The following RALGPS1 variants were observed in gnomAD, a reference collection of about 807,000 sequenced individuals.
RALGPS1 encodes Ral GEF with PH domain and SH3 binding motif 1, also known as ras-specific guanine nucleotide-releasing factor RalGPS1.
A neutral mutation model predicts 78.8 loss-of-function variants in RALGPS1; 19 were observed. The ratio of observed to expected loss-of-function variants is 0.24; its 90% CI spans 0.17 to 0.35. The LOEUF (loss-of-function observed/expected upper bound fraction) is 0.35, where lower values mean the gene tolerates loss of function less well. RALGPS1 is among the 10% of genes least tolerant of loss of function. RALGPS1 has a pLI of 1.00. For missense variants in RALGPS1, 454 were observed against 688.3 expected, an observed-to-expected ratio of 0.66 and a Z score of 3.81; for synonymous variants, 228 against 256.3, an observed-to-expected ratio of 0.89 and a Z score of 1.06.
At chr9:127,164,819 CGCGA>C (rs1564700093) in intron 8 of RALGPS1, among the ~76,000 whole-genome samples, 14 of 152,186 alleles carry the variant, frequency 9.2e-5, no homozygotes, top group African/African-American at 3.4e-4. Flanking sequence ...GGATTACAGG[CGCGA>C]GCCACTATGC....
At chr9:127,123,293 T>C (rs184019488) in intron 8 of RALGPS1, among the ~76,000 whole-genome samples, 3 of 152,334 alleles carry the variant, frequency 2.0e-5, no homozygotes, top group Admixed American at 2.0e-4. Flanking sequence ...AGGCTGAGGG[T>C]GGAGGCAGCC....
chr9:127,044,891 T>G (rs1244033581), intron 5 of RALGPS1, among the ~76,000 whole-genome samples: 1 of 152,246 alleles, frequency 6.6e-6, no homozygotes, highest in African/African-American at 2.4e-5. Context: ...TCATTATTGT[T>G]GGTTTATTAC....
intron 8 of RALGPS1, among the ~76,000 whole-genome samples, chr9:127,140,057 G>A (rs1307804929): frequency 1.3e-5 from 2 of 152,148 alleles, no homozygotes; most frequent in Non-Finnish European, 2.9e-5. Flanking sequence ...CTCAACACTG[G>A]TCAGCTTTTG....
intron 8 of RALGPS1, chr9:127,088,619 C>A: frequency 2.6e-6 from 1 of 390,236 alleles, no homozygotes; most frequent in Non-Finnish European, 4.7e-6. Context: ...GAGGCTCATA[C>A]ACATGTATAT....
At chr9:127,107,462 T>G (rs1230503689) in intron 8 of RALGPS1, among the ~76,000 whole-genome samples, 1 of 152,218 alleles carries the variant, frequency 6.6e-6, no homozygotes. Flanking sequence ...TACAATGTGT[T>G]TATCATATTC....
chr9:126,937,046 C>T (rs977942261), intron 1 of RALGPS1, among the ~76,000 whole-genome samples: 3 of 152,032 alleles, frequency 2.0e-5, no homozygotes, highest in Non-Finnish European at 4.4e-5. Context: ...AGATGGGTTT[C>T]ACCATGTTGG....
chr9:127,055,467 T>C (rs774982525), intron 7 of RALGPS1, among the ~76,000 whole-genome samples: 3 of 152,230 alleles, frequency 2.0e-5, no homozygotes, highest in Non-Finnish European at 4.4e-5. Context: ...GTCCTCCTGC[T>C]TCAGCCTCCC....
intron 7 of RALGPS1, among the ~76,000 whole-genome samples, chr9:127,053,992 G>A (rs970350623): frequency 6.6e-6 from 1 of 152,188 alleles, no homozygotes; most frequent in South Asian, 2.1e-4. Flanking sequence ...TCAGTGCTTC[G>A]TGGAGTCCCA....
At chr9:127,158,431 T>C (rs2058824351) in intron 8 of RALGPS1, among the ~76,000 whole-genome samples, 1 of 152,148 alleles carries the variant, frequency 6.6e-6, no homozygotes, top group African/African-American at 2.4e-5. Flanking sequence ...TTTTCAAATA[T>C]GTTACCATAA....
At chr9:127,134,669 C>G (rs1473544097) in intron 8 of RALGPS1, among the ~76,000 whole-genome samples, 2 of 152,182 alleles carry the variant, frequency 1.3e-5, no homozygotes, top group Admixed American at 1.3e-4. Context: ...CCTAAACTGA[C>G]TCAGATCTTC....
Position 127,080,396 on chromosome 9 carries a change from A to G in RALGPS1, c.610+11040A>G, listed in dbSNP as rs1169700064. 2.0e-5 allele frequency among the ~76,000 whole-genome samples: 3 copies of G among 152,220 alleles called. No homozygotes were observed. The East Asian group carries it at 5.8e-4, about 29-fold the overall frequency. On this transcript the variant is annotated intron_variant, in intron 8 of 18. Coordinates refer to ENST00000259351, the MANE Select transcript of RALGPS1 (RefSeq NM_014636.3). The stretch of plus-strand genomic sequence containing the variant: ...TTATAAAGTAAAAAGTGAATGTGCC[A>G]TTCTTCTTCTCCCACTTTCCAGAGG...
At chr9:127,073,500 TTATC>T (rs1244521570) in intron 8 of RALGPS1, among the ~76,000 whole-genome samples, 2 of 83,506 alleles carry the variant, frequency 2.4e-5, no homozygotes, top group Non-Finnish European at 5.8e-5. Context: ...AATATTTTCT[TTATC>T]CATTTATCTG....
At chr9:126,985,446 A>G (rs888056387) in intron 4 of RALGPS1, among the ~76,000 whole-genome samples, 1 of 152,170 alleles carries the variant, frequency 6.6e-6, no homozygotes, top group Non-Finnish European at 1.5e-5. Context: ...AATTTGACTA[A>G]TATAATACTG....
intron 8 of RALGPS1, among the ~76,000 whole-genome samples, chr9:127,120,589 C>G (rs777396734): frequency 6.6e-6 from 1 of 152,166 alleles, no homozygotes. Context: ...TTCGGGAGGC[C>G]GAGGTGGGCG....
chr9:126,915,712 TG>T (rs1326682034), intron 1 of RALGPS1, among the ~76,000 whole-genome samples: 1 of 140,658 alleles, frequency 7.1e-6, no homozygotes, highest in Non-Finnish European at 1.5e-5. Context: ...GCGCCCTAAG[TG>T]GGGCGCGCTG....
chr9:127,150,035 C>A (rs1387701581), intron 8 of RALGPS1, among the ~76,000 whole-genome samples: 1 of 152,230 alleles, frequency 6.6e-6, no homozygotes, highest in African/African-American at 2.4e-5. Context: ...AAGAGTCAGA[C>A]CTGAGGTGCA....
chr9:127,138,598 G>T (rs1026652550), intron 8 of RALGPS1, among the ~76,000 whole-genome samples: 5 of 152,178 alleles, frequency 3.3e-5, no homozygotes, highest in Admixed American at 2.0e-4. Context: ...GGAAAGAAAA[G>T]GCTCTCGGTG....
chr9:127,135,685 C>A (rs923655153), intron 8 of RALGPS1, among the ~76,000 whole-genome samples: 4 of 152,138 alleles, frequency 2.6e-5, no homozygotes, highest in Non-Finnish European at 5.9e-5. Flanking sequence ...GGGTGGGTCC[C>A]AAGCCAGGCT....
chr9:127,175,878 A>T (rs1391542504), intron 11 of RALGPS1, among the ~76,000 whole-genome samples: 1 of 149,712 alleles, frequency 6.7e-6, no homozygotes, highest in Non-Finnish European at 1.5e-5. Flanking sequence ...TGCTCAAGCC[A>T]CTCTCCCCAC....
Sources: gnomAD v4.1 joint callset for allele counts (sites outside exome capture counted in the v4.1 genomes callset) on GRCh38, gnomAD v4.1.1 for gene constraint, MANE v1.5 for transcripts, NCBI Gene and HGNC (gene_info 2026-07-23, HGNC 2026-07-21) for gene names.